Variants in SUSD5 observed in about 807,000 individuals in gnomAD.
SUSD5 encodes the protein sushi domain-containing protein 5.
A neutral mutation model predicts 29.5 loss-of-function variants in SUSD5; 33 were observed. That is an observed-to-expected ratio of 1.12 (90% CI 0.85 to 1.49). The LOEUF (loss-of-function observed/expected upper bound fraction) is 1.49, where lower values mean the gene tolerates loss of function less well. SUSD5 is among the 40% of genes most tolerant of loss of function. The probability of loss-of-function intolerance (pLI) is 0.00; values close to 1 mark genes in which losing one functional copy is unlikely to be tolerated. For missense variants in SUSD5, 776 were observed against 800.6 expected (o/e 0.97, Z 0.37); for synonymous variants, 308 against 325.3 (o/e 0.95, Z 0.57).
chr3:33,205,977 T>C (rs924659775), intron 3 of SUSD5, among the ~76,000 whole-genome samples: 1 of 152,238 alleles, frequency 6.6e-6, no homozygotes, highest in Admixed American at 6.5e-5. Flanking sequence ...AGCCCTACAT[T>C]ATTTCTTTGA....
chr3:33,206,646 A>G (rs1315708001), intron 3 of SUSD5, among the ~76,000 whole-genome samples: 2 of 152,082 alleles, frequency 1.3e-5, no homozygotes, highest in East Asian at 3.8e-4. Flanking sequence ...AGGGTTCACC[A>G]TGACTCTTAC....
intron 4 of SUSD5, among the ~76,000 whole-genome samples, chr3:33,163,131 CT>C (rs1463081628): frequency 3.3e-5 from 5 of 152,102 alleles, no homozygotes; most frequent in Admixed American, 6.5e-5. Flanking sequence ...TAATTCCAAT[CT>C]TATACAAACT....
chr3:33,195,744 G>GA (rs372643596), intron 3 of SUSD5, among the ~76,000 whole-genome samples: 39,624 of 139,258 alleles, frequency 0.28, 5,879 homozygotes, highest in East Asian at 0.48. Flanking sequence ...CCATATAAAT[G>GA]AAAAAAAAAA....
chr3:33,162,893 G>A (rs1300006454), intron 4 of SUSD5, among the ~76,000 whole-genome samples: 1 of 139,066 alleles, frequency 7.2e-6, no homozygotes, highest in Non-Finnish European at 1.5e-5. Flanking sequence ...CTCCAGCCTG[G>A]GCAACGAGAG....
intron 4 of SUSD5, among the ~76,000 whole-genome samples, chr3:33,163,779 C>T (rs945051762): frequency 1.3e-5 from 2 of 152,048 alleles, no homozygotes; most frequent in Non-Finnish European, 2.9e-5. Flanking sequence ...GGGCGGATCA[C>T]GAGGTCAGGA....
intron 4 of SUSD5, among the ~76,000 whole-genome samples, chr3:33,162,512 G>A (rs1456831951): frequency 6.6e-6 from 1 of 152,130 alleles, no homozygotes; most frequent in African/African-American, 2.4e-5. Flanking sequence ...TTGAACTGAC[G>A]AGTAAGGTTG....
chr3:33,216,503 A>G (rs1261590809), intron 1 of SUSD5, among the ~76,000 whole-genome samples: 2 of 152,206 alleles, frequency 1.3e-5, no homozygotes, highest in South Asian at 2.1e-4. Flanking sequence ...TGGCAAAGAT[A>G]TTATAAAAAA....
intron 2 of SUSD5, among the ~76,000 whole-genome samples, chr3:33,208,971 G>A (rs888040363): frequency 2.6e-5 from 4 of 152,100 alleles, no homozygotes; most frequent in African/African-American, 9.7e-5. Context: ...CCTGCCTGAA[G>A]AGCACTTGTT....
At chr3:33,212,549 C>T (rs1248251749) in intron 2 of SUSD5, among the ~76,000 whole-genome samples, 2 of 152,172 alleles carry the variant, frequency 1.3e-5, no homozygotes, top group South Asian at 2.1e-4. Context: ...GCTGGCAAGA[C>T]TCATAGGCTG....
Position 33,214,002 on chromosome 3 carries a change from G to A in SUSD5, c.216C>T (p.Asp72=), listed in dbSNP as rs751692778. Residue 72 remains aspartate (D), a synonymous_variant, in exon 2 of 5, where the codon GAC becomes GAT. Coordinates refer to ENST00000309558, the MANE Select transcript of SUSD5 (RefSeq NM_015551.2). ...AATCCTGTACCACTCTCCGCAGCTCGTCTGCAGATGCCAGGTGAGCGCCCC... is the reference window on the plus strand; with the variant it reads ...AATCCTGTACCACTCTCCGCAGCTCATCTGCAGATGCCAGGTGAGCGCCCC... ...KSRGAHLASA[D]ELRRVVQDCS... is the part of the protein sequence containing the mutation. 3.3e-5 allele frequency: 53 copies of A among 1,613,734 alleles called. No individual in the cohort carries two copies. The East Asian group carries it at 8.9e-4, about 27-fold the overall frequency.
intron 3 of SUSD5, among the ~76,000 whole-genome samples, chr3:33,192,145 C>T (rs140343828): frequency 0.014 from 2,148 of 151,818 alleles, 48 homozygotes; most frequent in African/African-American, 0.048. Flanking sequence ...ATGATCTCAG[C>T]TTACTGCAAC....
intron 3 of SUSD5, among the ~76,000 whole-genome samples, chr3:33,184,466 G>A (rs1373455810): frequency 2.0e-5 from 3 of 152,166 alleles, no homozygotes; most frequent in South Asian, 2.1e-4. Context: ...TTGGTTGTCC[G>A]ACATTAATTT....
At chr3:33,202,845 T>C (rs141586602) in intron 3 of SUSD5, among the ~76,000 whole-genome samples, 30 of 152,326 alleles carry the variant, frequency 2.0e-4, no homozygotes, top group African/African-American at 5.8e-4. Flanking sequence ...ATGAACTTTA[T>C]AAAGAAACAC....
chr3:33,183,581 A>G (rs1377297267), intron 3 of SUSD5, among the ~76,000 whole-genome samples: 1 of 152,166 alleles, frequency 6.6e-6, no homozygotes, highest in Non-Finnish European at 1.5e-5. Context: ...GGTGTCATTC[A>G]GTTCACTATT....
intron 4 of SUSD5, among the ~76,000 whole-genome samples, chr3:33,154,442 G>C (rs1307641143): frequency 6.6e-6 from 1 of 152,176 alleles, no homozygotes; most frequent in African/African-American, 2.4e-5. Context: ...AGAATCGCTT[G>C]AACCCGGAAG....
intron 3 of SUSD5, among the ~76,000 whole-genome samples, chr3:33,200,856 T>C (rs2032103565): frequency 6.6e-6 from 1 of 152,184 alleles, no homozygotes; most frequent in Admixed American, 6.5e-5. Flanking sequence ...AAGGCAGAAC[T>C]TGCAAGCCAT....
At chr3:33,164,879 GCTCCCAGAA>G in intron 4 of SUSD5, among the ~76,000 whole-genome samples, 1 of 151,978 alleles carries the variant, frequency 6.6e-6, no homozygotes, top group East Asian at 1.9e-4. Flanking sequence ...GGGAGGTAAG[GCTCCCAGAA>G]CTCTTATACA....
chr3:33,163,861 A>G (rs572223827), intron 4 of SUSD5, among the ~76,000 whole-genome samples: 179 of 152,268 alleles, frequency 1.2e-3, no homozygotes, highest in African/African-American at 4.1e-3. Flanking sequence ...TTAGCCGGGC[A>G]TGGTGGCAGG....
chr3:33,165,770 A>T (rs930731425), intron 4 of SUSD5, among the ~76,000 whole-genome samples: 8 of 152,252 alleles, frequency 5.3e-5, no homozygotes, highest in African/African-American at 1.9e-4. Flanking sequence ...ACAATATTGT[A>T]CTTTGTTAAG....
Sources: allele counts gnomAD v4.1 joint callset (sites outside exome capture counted in the v4.1 genomes callset), GRCh38; gene constraint gnomAD v4.1.1; transcripts MANE v1.5; gene names NCBI Gene and HGNC (gene_info 2026-07-23, HGNC 2026-07-21).